AFG2A: variants seen among roughly 807,000 people sequenced by gnomAD.
AFG2A encodes the protein ATPase family gene 2 protein homolog A.
the AFG2A span, among the ~76,000 whole-genome samples, chr4:123,305,729 C>T: frequency 6.6e-6 from 1 of 152,034 alleles, no homozygotes; most frequent in Admixed American, 6.6e-5. Context: ...TGCTTAGAAA[C>T]CATGTTGGTT....
At chr4:123,114,224 C>T in the AFG2A span, among the ~76,000 whole-genome samples, 10 of 152,086 alleles carry the variant, frequency 6.6e-5, no homozygotes, top group African/African-American at 1.4e-4. Flanking sequence ...CATGGGCCTG[C>T]GGTAAAGGCA....
At chr4:123,061,461 G>T in the AFG2A span, among the ~76,000 whole-genome samples, 3 of 152,172 alleles carry the variant, frequency 2.0e-5, no homozygotes, top group Non-Finnish European at 2.9e-5. Flanking sequence ...AGGAACAAAG[G>T]CATGTCTTAC....
chr4:123,207,393 C>T, the AFG2A span, among the ~76,000 whole-genome samples: 1 of 151,506 alleles, frequency 6.6e-6, no homozygotes, highest in Admixed American at 6.6e-5. Context: ...GGCACATTGC[C>T]ACCTCTGCCA....
chr4:122,970,671 G>A, the AFG2A span, among the ~76,000 whole-genome samples: 1 of 150,922 alleles, frequency 6.6e-6, no homozygotes. Flanking sequence ...TAGCTTAGAA[G>A]CAATAGGCTA....
chr4:123,222,604 G>A, the AFG2A span, among the ~76,000 whole-genome samples: 2 of 152,110 alleles, frequency 1.3e-5, no homozygotes, highest in African/African-American at 4.8e-5. Context: ...ATTACCAACT[G>A]TAGGTGTAAT....
At chr4:123,162,022 G>T in the AFG2A span, among the ~76,000 whole-genome samples, 1 of 103,110 alleles carries the variant, frequency 9.7e-6, no homozygotes, top group African/African-American at 2.5e-5. Flanking sequence ...TTAATCAGCT[G>T]GGGAAAAAAA....
At chr4:123,255,667 C>T in the AFG2A span, among the ~76,000 whole-genome samples, 1 of 149,524 alleles carries the variant, frequency 6.7e-6, no homozygotes, top group Non-Finnish European at 1.5e-5. Context: ...ATCTTTTATT[C>T]ACCTGATAAT....
chr4:122,936,761 C>T, the AFG2A span, among the ~76,000 whole-genome samples: 1 of 152,120 alleles, frequency 6.6e-6, no homozygotes, highest in Non-Finnish European at 1.5e-5. Context: ...AGGCAGATCA[C>T]CTGAGGTCAG....
At chr4:123,027,381 G>A in the AFG2A span, among the ~76,000 whole-genome samples, 1 of 151,444 alleles carries the variant, frequency 6.6e-6, no homozygotes, top group Admixed American at 6.6e-5. Context: ...TGAGCTTTCT[G>A]TCACTTTTTG....
the AFG2A span, among the ~76,000 whole-genome samples, chr4:122,935,030 G>A: frequency 6.6e-6 from 1 of 152,138 alleles, no homozygotes; most frequent in African/African-American, 2.4e-5. Flanking sequence ...TGGGTCATCT[G>A]TAATGACTGA....
At chr4:123,141,498 T>C in the AFG2A span, among the ~76,000 whole-genome samples, 1 of 152,094 alleles carries the variant, frequency 6.6e-6, no homozygotes, top group Non-Finnish European at 1.5e-5. Flanking sequence ...AAAAAAACAG[T>C]GTTACTCTAT....
the AFG2A span, among the ~76,000 whole-genome samples, chr4:123,032,378 T>C: frequency 1.3e-5 from 2 of 152,314 alleles, no homozygotes; most frequent in East Asian, 3.9e-4. Flanking sequence ...GTGGAAATTA[T>C]ACTTCGAATT....
chr4:123,205,632 T>G, the AFG2A span, among the ~76,000 whole-genome samples: 3 of 152,120 alleles, frequency 2.0e-5, no homozygotes, highest in Admixed American at 2.0e-4. Context: ...CTACACCATT[T>G]TATATAAAAA....
the AFG2A span, among the ~76,000 whole-genome samples, chr4:123,024,422 A>G: frequency 2.0e-5 from 3 of 152,162 alleles, no homozygotes; most frequent in African/African-American, 7.2e-5. Flanking sequence ...TAGTTCTCCA[A>G]AAGGCTCTGC....
the AFG2A span, among the ~76,000 whole-genome samples, chr4:123,124,886 A>C: frequency 6.6e-6 from 1 of 152,230 alleles, no homozygotes; most frequent in Non-Finnish European, 1.5e-5. Context: ...ATTATTTTAC[A>C]AAGAAAATGT....
the AFG2A span, among the ~76,000 whole-genome samples, chr4:123,096,652 TATTAA>T: frequency 2.0e-5 from 3 of 152,248 alleles, no homozygotes; most frequent in South Asian, 6.2e-4. Context: ...TAATAAGAAC[TATTAA>T]ATTATAAGCA....
At chr4:123,226,797 C>G in the AFG2A span, among the ~76,000 whole-genome samples, 1 of 152,298 alleles carries the variant, frequency 6.6e-6, no homozygotes, top group South Asian at 2.1e-4. Flanking sequence ...ACCAGCTCCT[C>G]CTTGTACCTC....
At chr4:123,007,544 GTATGTA>G in the AFG2A span, among the ~76,000 whole-genome samples, 49 of 125,532 alleles carry the variant, frequency 3.9e-4, no homozygotes, top group South Asian at 8.9e-4. Flanking sequence ...ATATATATGT[GTATGTA>G]TGTGTGTGTG....
the AFG2A span, among the ~76,000 whole-genome samples, chr4:123,002,820 T>G: frequency 2.0e-5 from 3 of 152,288 alleles, no homozygotes; most frequent in South Asian, 6.2e-4. Flanking sequence ...TTTGTTTTGT[T>G]GTCTGTATTT....
Sources: gnomAD v4.1 joint callset for allele counts (sites outside exome capture counted in the v4.1 genomes callset) on GRCh38, gnomAD v4.1.1 for gene constraint, MANE v1.5 for transcripts, NCBI Gene and HGNC (gene_info 2026-07-23, HGNC 2026-07-21) for gene names.